The following ZNF660 variants were observed in gnomAD, a reference collection of about 807,000 sequenced individuals.
ZNF660 encodes the protein zinc finger protein 660.
ZNF660 carries 24 observed loss-of-function variants against 23.2 expected under a neutral mutation model. The observed-to-expected ratio is 1.04, with a 90% confidence interval of 0.75 to 1.46. ZNF660 has a LOEUF of 1.46. Among genes scored for constraint, ZNF660 ranks in the 40% most tolerant of loss-of-function variants. The pLI is 0.00. For missense variants in ZNF660, 373 were observed against 396.8 expected (o/e 0.94, Z 0.51); for synonymous variants, 117 against 131.4 (o/e 0.89, Z 0.75).
intron 2 of ZNF660, among the ~76,000 whole-genome samples, chr3:44,590,237 C>G (rs1312163255): frequency 6.6e-6 from 1 of 152,070 alleles, no homozygotes; most frequent in Non-Finnish European, 1.5e-5. Flanking sequence ...ATGCCATAAA[C>G]TGAGTGGCTT....
rs1234605024 is a variant in ZNF660, at chr3:44,596,436, A to G, written c.*1247A>G. 2.6e-5 allele frequency: 4 copies of G among 152,238 alleles called. No homozygotes were observed. The highest frequency in any genetic ancestry group is 9.6e-5 in the African/African-American group (4 of 41,472). The allele number at this position is 152,238 out of a possible 1,614,324, so 9.4% of individuals were successfully genotyped here. On this transcript the variant is annotated 3_prime_UTR_variant, in exon 3 of 3. Coordinates refer to ENST00000322734, the MANE Select transcript of ZNF660 (RefSeq NM_173658.4). ...AGCAGTGTTTCTAAACACTTTAGGG[A>G]GAGTGATTAAAGAGAATTTTTGTGT...
chr3:44,592,882 T>C (rs1264885141), intron 2 of ZNF660, among the ~76,000 whole-genome samples: 1 of 151,976 alleles, frequency 6.6e-6, no homozygotes, highest in Non-Finnish European at 1.5e-5. Flanking sequence ...TGAAACCTCG[T>C]CTCTACTAAA....
chr3:44,592,183 A>G (rs945777961), intron 2 of ZNF660, among the ~76,000 whole-genome samples: 1 of 149,594 alleles, frequency 6.7e-6, no homozygotes, highest in Non-Finnish European at 1.5e-5. Context: ...TGAAAAAATA[A>G]TAAGTATGTG....
In ZNF660 at chr3:44,595,281, C is replaced by G; in HGVS notation, c.*92C>G. 1 of 1,360,390 alleles carries G rather than the reference C, an allele frequency of 7.4e-7. No individual in the cohort carries two copies. Among genetic ancestry groups the G allele is most frequent in the East Asian group, 2.4e-5 (1 of 42,074 alleles). 84.3% of individuals were successfully genotyped at this position (1,360,390 alleles called of 1,614,324 possible). ...TTTAATTCTACTTCTAAGAATCATA[C>G]TCTACTTCTAAGAAAATAATTAGAA... is the stretch of plus-strand genomic sequence containing the variant. On this transcript the variant is annotated 3_prime_UTR_variant, in exon 3 of 3. Coordinates refer to ENST00000322734, the MANE Select transcript of ZNF660 (RefSeq NM_173658.4).
At chr3:44,591,512 T>C (rs954070542) in intron 2 of ZNF660, among the ~76,000 whole-genome samples, 14 of 152,206 alleles carry the variant, frequency 9.2e-5, no homozygotes, top group Admixed American at 9.2e-4. Flanking sequence ...TGTGGAACTT[T>C]TGTCCTAGGA....
At position 44,595,309 on chromosome 3, in the gene ZNF660, A is replaced by T; in HGVS notation, c.*120A>T. 8.4e-7 allele frequency: 1 copy of T among 1,188,956 alleles called. No individual in the cohort carries two copies. 73.7% of individuals were successfully genotyped at this position (1,188,956 alleles called of 1,614,324 possible). ...TACTTCTAAGAAAATAATTAGAAGT[A>T]GACAAAGATTAATGAAAGGGATGTT... On this transcript the variant is annotated 3_prime_UTR_variant, in exon 3 of 3. Coordinates refer to ENST00000322734, the MANE Select transcript of ZNF660 (RefSeq NM_173658.4).
At chr3:44,585,637 CAG>C (rs1185774071) in intron 1 of ZNF660, among the ~76,000 whole-genome samples, 2 of 152,028 alleles carry the variant, frequency 1.3e-5, no homozygotes, top group Non-Finnish European at 2.9e-5. Flanking sequence ...AATGGGTAAA[CAG>C]AAAAAAGGAA....
At chr3:44,585,256 C>G (rs1700189519) in intron 1 of ZNF660, among the ~76,000 whole-genome samples, 1 of 152,146 alleles carries the variant, frequency 6.6e-6, no homozygotes, top group African/African-American at 2.4e-5. Flanking sequence ...CTGTGTCGTC[C>G]CCGCTCCTAG....
chr3:44,592,737 A>G (rs1302457244), intron 2 of ZNF660, among the ~76,000 whole-genome samples: 1 of 152,190 alleles, frequency 6.6e-6, no homozygotes, highest in Non-Finnish European at 1.5e-5. Context: ...TGAAAAGCAG[A>G]CAGACTACAC....
chr3:44,595,450 A>G lies in ZNF660; in HGVS notation c.*261A>G, dbSNP rs1700578294. 2.3e-5 allele frequency: 7 copies of G among 307,752 alleles called. No individual in the cohort carries two copies. Among genetic ancestry groups the G allele is most frequent in the Non-Finnish European group, 2.5e-5 (4 of 159,786 alleles). 19.1% of individuals were successfully genotyped at this position (307,752 alleles called of 1,614,324 possible). A position where few individuals can be genotyped will look rare whatever the true frequency, so the allele number is the denominator to read the frequency against. ...CTGCAGCCATTGCAAACATTTTTAA[A>G]GACAATTTAATGCCATGGGGAAATG... On this transcript the variant is annotated 3_prime_UTR_variant, in exon 3 of 3. Transcript: ENST00000322734.
rs1700658630 is a variant in ZNF660, at chr3:44,597,750, A to G, written c.*2561A>G. On this transcript the variant is annotated 3_prime_UTR_variant, in exon 3 of 3. Transcript: ENST00000322734. This position sits in a 1 kb window ranked among gnomAD's most constrained non-coding sequence, Gnocchi z 4.1. ...TTCTTTTTTGTCTTAGAAGACTATG[A>G]TCTTCAAGAGTATATCTCAAGGAAG... The G allele has an allele frequency of 6.6e-6, 1 of 152,240 alleles. No individual in the cohort carries two copies. The highest frequency in any genetic ancestry group is 2.4e-5 in the African/African-American group (1 of 41,464). The allele number at this position is 152,240 out of a possible 1,614,324, so 9.4% of individuals were successfully genotyped here.
Position 44,594,539 on chromosome 3 carries a change from A to G in ZNF660, c.346A>G (p.Ser116Gly), listed in dbSNP as rs771691373. The change falls in exon 3 of 3, where the codon AGT becomes GGT. Residue 116 changes from serine (S) to glycine (G), a missense_variant. Transcript: ENST00000322734. ...YTCSECGKSF[S>G]GKSHLIRHQG... ...ATGCAGTGAATGTGGGAAATCTTTC[A>G]GTGGAAAGTCACATCTTATTCGGCA... is the stretch of plus-strand genomic sequence containing the variant. 1 of 1,614,220 alleles carries G rather than the reference A, an allele frequency of 6.2e-7. No individual in the cohort carries two copies. The highest frequency in any genetic ancestry group is 1.1e-5 in the South Asian group (1 of 91,090).
rs750455115 is a variant in ZNF660 at position 44,594,367 on chromosome 3, C to G, written c.174C>G (p.Ala58=). 6.2e-7 allele frequency: 1 copy of G among 1,614,076 alleles called. No homozygotes were observed. Among genetic ancestry groups the G allele is most frequent in the Admixed American group, 1.7e-5 (1 of 60,008 alleles). The change falls in exon 3 of 3, where the codon GCC becomes GCG. Residue 58 remains alanine (A), a synonymous_variant. Coordinates refer to ENST00000322734, the MANE Select transcript of ZNF660 (RefSeq NM_173658.4). The stretch of plus-strand genomic sequence containing the variant: ...ATGTATGTACTGAGTGTGGGAAAGC[C>G]TTTAGTCAGAGTGCAAACCTCACAG... ...RQYVCTECGK[A]FSQSANLTVH...
At chr3:44,591,626 A>C (rs1009716174) in intron 2 of ZNF660, among the ~76,000 whole-genome samples, 5 of 152,224 alleles carry the variant, frequency 3.3e-5, no homozygotes, top group Admixed American at 1.3e-4. Context: ...AACACTAGCA[A>C]AATGGTAGGT....
At position 44,594,245 on chromosome 3, in the gene ZNF660, G is replaced by A; in HGVS notation, c.52G>A (p.Val18Ile). Residue 18 changes from valine (V) to isoleucine (I), a missense_variant, in exon 3 of 3, where the codon GTA (valine) becomes ATA (isoleucine). Transcript: ENST00000322734. Reference sequence around the variant, plus strand: ...ACATAAGACAGTTAAAGACAATAAAGTACTCACAGAAGGGAGTGACCAAGA... The same window carrying A: ...ACATAAGACAGTTAAAGACAATAAAATACTCACAGAAGGGAGTGACCAAGA... ...FKHKTVKDNK[V>I]LTEGSDQESE... 6.2e-7 allele frequency: 1 copy of A among 1,613,906 alleles called. No individual in the cohort carries two copies. Among genetic ancestry groups the A allele is most frequent in the Non-Finnish European group, 8.5e-7 (1 of 1,180,012 alleles).
At position 44,598,729 on chromosome 3, in the gene ZNF660, C is replaced by T. The variant is rs1292281247; in HGVS notation, c.*3540C>T. 1 of 152,148 alleles carries T rather than the reference C, an allele frequency of 6.6e-6. No individual in the cohort carries two copies. Among genetic ancestry groups the T allele is most frequent in the African/African-American group, 2.4e-5 (1 of 41,402 alleles). 9.4% of individuals were successfully genotyped at this position (152,148 alleles called of 1,614,324 possible). A position where few individuals can be genotyped will look rare whatever the true frequency, so the allele number is the denominator to read the frequency against. On this transcript the variant is annotated 3_prime_UTR_variant, in exon 3 of 3. Transcript: ENST00000322734. ...TTCACATTCTTGTTCCAATGGAAAC[C>T]GGGCTGTTCCCCAAGGGCAGTGCTT...
intron 2 of ZNF660, among the ~76,000 whole-genome samples, chr3:44,591,820 T>C (rs1700437737): frequency 6.6e-6 from 1 of 152,042 alleles, no homozygotes; most frequent in African/African-American, 2.4e-5. Flanking sequence ...CATGGCGAAA[T>C]ACCATTTCTA....
intron 2 of ZNF660, among the ~76,000 whole-genome samples, chr3:44,591,197 G>A (rs1029828411): frequency 2.0e-5 from 3 of 152,048 alleles, no homozygotes; most frequent in East Asian, 1.9e-4. Context: ...GGCATAATCA[G>A]GGCTCACTGC....
At chr3:44,587,190 T>C (rs1174412012) in intron 2 of ZNF660, 2 of 152,166 alleles carry the variant, frequency 1.3e-5, no homozygotes, top group Non-Finnish European at 2.9e-5. Flanking sequence ...CATGTAACCA[T>C]TGCTTAGAGG....
Sources: gnomAD v4.1 joint callset for allele counts (sites outside exome capture counted in the v4.1 genomes callset) on GRCh38, gnomAD v4.1.1 for gene constraint, Gnocchi (gnomAD v3.1) non-coding constraint, MANE v1.5 for transcripts, NCBI Gene and HGNC (gene_info 2026-07-23, HGNC 2026-07-21) for gene names.